Variants in ACYP2 observed in about 807,000 individuals in gnomAD.
ACYP2 encodes acylphosphatase 2.
Under a neutral mutation model 11.2 loss-of-function variants are expected in ACYP2, and 12 were observed. The observed-to-expected ratio is 1.08, with a 90% CI of 0.69 to 1.74. The LOEUF (loss-of-function observed/expected upper bound fraction) is 1.74, where lower values mean the gene tolerates loss of function less well. Among genes scored for constraint, ACYP2 ranks in the 40% most tolerant of loss-of-function variants. The pLI is 0.00. For missense variants in ACYP2, 134 were observed against 101.9 expected, an observed-to-expected ratio of 1.31 and a Z score of -1.35; for synonymous variants, 43 against 32.2, an observed-to-expected ratio of 1.33 and a Z score of -1.13.
At chr2:54,245,868 A>G (rs1308239435) in intron 6 of ACYP2, among the ~76,000 whole-genome samples, 1 of 151,948 alleles carries the variant, frequency 6.6e-6, no homozygotes, top group Non-Finnish European at 1.5e-5. Context: ...AGTTGGATAT[A>G]ATCTGTTCAT....
At chr2:54,096,283 G>C (rs1678571264) in intron 4 of ACYP2, among the ~76,000 whole-genome samples, 1 of 143,698 alleles carries the variant, frequency 7.0e-6, no homozygotes, top group African/African-American at 2.6e-5. Context: ...TGGGTGGCCG[G>C]GCAGAGACGC....
intron 6 of ACYP2, among the ~76,000 whole-genome samples, chr2:54,214,357 G>C (rs1426736674): frequency 2.6e-5 from 4 of 152,062 alleles, no homozygotes; most frequent in Non-Finnish European, 4.4e-5. Flanking sequence ...TTTCTTCTAG[G>C]GTTTTTATAG....
intron 6 of ACYP2, among the ~76,000 whole-genome samples, chr2:54,214,475 A>C (rs1170183051): frequency 6.6e-6 from 1 of 152,232 alleles, no homozygotes; most frequent in Non-Finnish European, 1.5e-5. Flanking sequence ...CAGTTATCTC[A>C]GCACCACTTA....
intron 6 of ACYP2, among the ~76,000 whole-genome samples, chr2:54,294,638 A>G (rs1388729823): frequency 6.6e-6 from 1 of 152,108 alleles, no homozygotes; most frequent in East Asian, 1.9e-4. Flanking sequence ...GAGGCTGTGT[A>G]TGGTGGCTCA....
At chr2:54,053,562 A>T in intron 3 of ACYP2, among the ~76,000 whole-genome samples, 1 of 152,122 alleles carries the variant, frequency 6.6e-6, no homozygotes, top group East Asian at 1.9e-4. Context: ...GTGTACACCC[A>T]GCTTGCCCAC....
At chr2:54,019,675 A>G (rs554346641) in intron 2 of ACYP2, among the ~76,000 whole-genome samples, 83 of 151,962 alleles carry the variant, frequency 5.5e-4, no homozygotes, top group African/African-American at 2.0e-3. Context: ...GCTAGAGTGC[A>G]GTGGCGTGAT....
At chr2:54,187,016 AT>A (rs951342363) in intron 6 of ACYP2, among the ~76,000 whole-genome samples, 102 of 150,952 alleles carry the variant, frequency 6.8e-4, no homozygotes, top group South Asian at 4.2e-4. Flanking sequence ...TCAAATTAGA[AT>A]TTTTTTTTTC....
intron 4 of ACYP2, among the ~76,000 whole-genome samples, chr2:54,128,312 T>C (rs373116162): frequency 1.4e-4 from 22 of 152,328 alleles, no homozygotes; most frequent in African/African-American, 4.8e-4. Context: ...TTTGTATCAC[T>C]GGAGGAACCT....
At chr2:53,992,905 G>C (rs1457361676) in intron 2 of ACYP2, among the ~76,000 whole-genome samples, 1 of 150,814 alleles carries the variant, frequency 6.6e-6, no homozygotes, top group Non-Finnish European at 1.5e-5. Context: ...ATACGCATCA[G>C]AAAAAAGGTT....
chr2:54,106,548 A>G (rs561543260), intron 4 of ACYP2, among the ~76,000 whole-genome samples: 1 of 152,256 alleles, frequency 6.6e-6, no homozygotes, highest in African/African-American at 2.4e-5. Flanking sequence ...TGCTGTCAAC[A>G]TAATGTCTCA....
chr2:54,203,546 G>A (rs1393567883), intron 6 of ACYP2, among the ~76,000 whole-genome samples: 1 of 152,136 alleles, frequency 6.6e-6, no homozygotes, highest in Non-Finnish European at 1.5e-5. Flanking sequence ...GTTATTGATT[G>A]TAGGGGAAAA....
intron 2 of ACYP2, among the ~76,000 whole-genome samples, chr2:54,046,271 G>A (rs1028289494): frequency 6.6e-6 from 1 of 151,568 alleles, no homozygotes; most frequent in Non-Finnish European, 1.5e-5. Context: ...TTGAGGTCAG[G>A]AGTTCGAGAC....
At chr2:54,260,524 A>C (rs536674689) in intron 6 of ACYP2, among the ~76,000 whole-genome samples, 2 of 152,260 alleles carry the variant, frequency 1.3e-5, no homozygotes, top group South Asian at 4.2e-4. Flanking sequence ...TAATTATAAT[A>C]ATTGATCTTA....
intron 6 of ACYP2, among the ~76,000 whole-genome samples, chr2:54,165,533 T>TCACACACACACACACA (rs1326165242): frequency 4.8e-5 from 6 of 123,744 alleles, no homozygotes; most frequent in African/African-American, 1.9e-4. Context: ...TCTCTCTCTC[T>TCACACACACACACACA]CTCACACACA....
chr2:54,115,685 G>A, intron 4 of ACYP2: 1 of 1,609,920 alleles, frequency 6.2e-7, no homozygotes, highest in South Asian at 1.1e-5. Context: ...CTCAACAGAG[G>A]GCTCGCCGCC....
rs988336458 is a variant in ACYP2, at chr2:54,057,361, G to C, written c.277+1G>C. ...TTCATAAAATCAACAATTTGCTTAA[G>C]TAAGTCTTCAAAATAAATACTGATT... On this transcript the variant is annotated splice_donor_variant, in intron 4 of 6. Coordinates refer to ENST00000607452, the MANE Select transcript of ACYP2 (RefSeq NM_001320586.2). LOFTEE classifies it high-confidence loss of function. 4 of 397,662 alleles carry C rather than the reference G, an allele frequency of 1.0e-5. No homozygotes were observed. The highest frequency in any genetic ancestry group is 8.2e-5 in the African/African-American group (4 of 48,592). The allele number at this position is 397,662 out of a possible 1,614,324, so 24.6% of individuals were successfully genotyped here.
intron 6 of ACYP2, among the ~76,000 whole-genome samples, chr2:54,163,313 T>C (rs888470775): frequency 2.6e-5 from 4 of 152,214 alleles, no homozygotes; most frequent in African/African-American, 9.6e-5. Context: ...GAAGAGACAA[T>C]TTATAGAATG....
At chr2:54,201,371 C>T (rs1014638235) in intron 6 of ACYP2, among the ~76,000 whole-genome samples, 1 of 152,184 alleles carries the variant, frequency 6.6e-6, no homozygotes, top group Admixed American at 6.5e-5. Flanking sequence ...TCCCAAAGTG[C>T]TGAGATTACA....
At chr2:54,250,527 T>C (rs1021121998) in intron 6 of ACYP2, among the ~76,000 whole-genome samples, 12 of 152,030 alleles carry the variant, frequency 7.9e-5, no homozygotes, top group Non-Finnish European at 4.4e-5. Context: ...TAGCTACCAA[T>C]AGCAAAGAGA....
Sources: allele counts gnomAD v4.1 joint callset (sites outside exome capture counted in the v4.1 genomes callset), GRCh38; gene constraint gnomAD v4.1.1; transcripts MANE v1.5; gene names NCBI Gene and HGNC (gene_info 2026-07-23, HGNC 2026-07-21).